Variants in GABBR1 observed in about 807,000 individuals in gnomAD.
The protein encoded by GABBR1 is GABA-B receptor, R1 subunit.
In GABBR1, 35 loss-of-function variants were observed where a neutral mutation model predicts 117.7. That is an observed-to-expected ratio of 0.30 (90% CI 0.23 to 0.39). The LOEUF is 0.39. Among genes scored for constraint, GABBR1 ranks in the 10% least tolerant of loss-of-function variants. The probability of loss-of-function intolerance (pLI) is 1.00; values close to 1 mark genes in which losing one functional copy is unlikely to be tolerated. For missense variants in GABBR1, 709 were observed against 1,241.8 expected (o/e 0.57, Z 6.45); for synonymous variants, 442 against 486.6 (o/e 0.91, Z 1.21).
chr6:29,606,520 C>T lies in GABBR1; in HGVS notation c.2218-36G>A, dbSNP rs764277763. The T allele has an allele frequency of 1.1e-5, 16 of 1,399,182 alleles. No individual in the cohort carries two copies. The East Asian group carries it at 3.2e-4, about 28-fold the overall frequency. The allele number at this position is 1,399,182 out of a possible 1,614,324, so 86.7% of individuals were successfully genotyped here. A position where few individuals can be genotyped will look rare whatever the true frequency, so the allele number is the denominator to read the frequency against. On this transcript the variant is annotated intron_variant, in intron 18 of 22. Transcript: ENST00000377034. The surrounding 1 kb of genome is among the most constrained non-coding windows in gnomAD (Gnocchi z 4.5). ...AACAAGGTCACAAGAAAGATGGTTG[C>T]CAGCCTCCCCTCCTCTCCTCAACGC...
Position 29,632,041 on chromosome 6 carries a change from T to A in GABBR1, c.85+260A>T, listed in dbSNP as rs1291334271. Among the ~76,000 whole-genome samples the A allele has an allele frequency of 4.0e-5, 6 of 151,496 alleles. No individual in the cohort carries two copies. Among genetic ancestry groups the A allele is most frequent in the Admixed American group, 3.3e-4 (5 of 15,228 alleles). ...AGTAATTGAGGTAGTAATGTGGGGC[T>A]GGGAAAGGGGATTGAGGCGGAGAAA... On this transcript the variant is annotated intron_variant, in intron 2 of 22. Transcript: ENST00000377034. The surrounding 1 kb of genome is among the most constrained non-coding windows in gnomAD (Gnocchi z 5.8).
chr6:29,622,924 A>C lies in GABBR1; in HGVS notation c.963+381T>G, dbSNP rs1763906870. ...GGCTCCATCCCCTCTGTTCCCATTC[A>C]CACCCACCCACCACCCCCCTTGAAA... On this transcript the variant is annotated intron_variant, in intron 8 of 22. Transcript: ENST00000377034. This position sits in a 1 kb window ranked among gnomAD's most constrained non-coding sequence, Gnocchi z 4.6. Among the ~76,000 whole-genome samples the C allele has an allele frequency of 6.7e-6, 1 of 149,408 alleles. No individual in the cohort carries two copies. Among genetic ancestry groups the C allele is most frequent in the Non-Finnish European group, 1.5e-5 (1 of 67,468 alleles).
At position 29,607,351 on chromosome 6, in the gene GABBR1, C is replaced by T. The variant is rs1169160053; in HGVS notation, c.1993-133G>A. The T allele has an allele frequency of 1.8e-5, 13 of 707,512 alleles. No individual in the cohort carries two copies. The highest frequency in any genetic ancestry group is 1.2e-4 in the African/African-American group (7 of 56,868). The allele number at this position is 707,512 out of a possible 1,614,324, so 43.8% of individuals were successfully genotyped here. On this transcript the variant is annotated intron_variant, in intron 16 of 22. Coordinates refer to ENST00000377034, the MANE Select transcript of GABBR1 (RefSeq NM_001470.4). This position sits in a 1 kb window ranked among gnomAD's most constrained non-coding sequence, Gnocchi z 5.0. ...AGCTCATGGTGGCACAGGGAGGATG[C>T]GAAAATGTGAGCAGGACGGGGAGCG... is the stretch of plus-strand genomic sequence containing the variant.
chr6:29,617,464 G>A (rs1056334907), intron 11 of GABBR1, among the ~76,000 whole-genome samples: 1 of 151,950 alleles, frequency 6.6e-6, no homozygotes, highest in Non-Finnish European at 1.5e-5. Flanking sequence ...ACCACACCCA[G>A]CTGATTTGTG....
At position 29,624,004 on chromosome 6, in the gene GABBR1, G is replaced by C. The variant is rs763959410; in HGVS notation, c.678C>G (p.Thr226=). The C allele has an allele frequency of 6.2e-7, 1 of 1,612,708 alleles. No homozygotes were observed. Among genetic ancestry groups the C allele is most frequent in the Admixed American group, 1.7e-5 (1 of 60,012 alleles). The change falls in exon 7 of 23, where the codon ACC becomes ACG. Residue 226 remains threonine, a synonymous_variant. Transcript: ENST00000377034. ...HDSKCDPGQA[T]KYLYELLYND... The stretch of plus-strand genomic sequence containing the variant: ...TGTAGAGCAGCTCATATAGGTACTT[G>C]GTGGCTTGGCCTGGATCACACTGAA...
rs866701730 is a variant in GABBR1, at chr6:29,631,990, A to G, written c.85+311T>C. ...AAGGGAGGCTAATAAGATCATCTGG[A>G]CAGCAAAGTGGGACCAAGAAAAGGG... On this transcript the variant is annotated intron_variant, in intron 2 of 22. Transcript: ENST00000377034. This position sits in a 1 kb window ranked among gnomAD's most constrained non-coding sequence, Gnocchi z 5.9. Among the ~76,000 whole-genome samples the G allele has an allele frequency of 3.3e-5, 5 of 152,062 alleles. No individual in the cohort carries two copies. Among genetic ancestry groups the G allele is most frequent in the African/African-American group, 1.2e-4 (5 of 41,358 alleles).
In GABBR1 at chr6:29,605,534, G is replaced by A. The variant is rs1299438402; in HGVS notation, c.2439+35C>T. 4 of 1,611,228 alleles carry A rather than the reference G, an allele frequency of 2.5e-6. No individual in the cohort carries two copies. The South Asian group carries it at 4.4e-5, about 18-fold the overall frequency. ...CTCTATATCTGGGCTGCTGTGGTCA[G>A]CCTACAGGGTCAATGCCATGGGGTC... is the stretch of plus-strand genomic sequence containing the variant. On this transcript the variant is annotated intron_variant, in intron 20 of 22. Coordinates refer to ENST00000377034, the MANE Select transcript of GABBR1 (RefSeq NM_001470.4). The surrounding 1 kb of genome is among the most constrained non-coding windows in gnomAD (Gnocchi z 4.2).
intron 6 of GABBR1, among the ~76,000 whole-genome samples, chr6:29,626,798 T>C (rs1253803335): frequency 2.0e-5 from 3 of 151,908 alleles, no homozygotes; most frequent in Non-Finnish European, 4.4e-5. Context: ...ATTGTGGGGG[T>C]TCCCATGTGG....
chr6:29,621,854 C>T lies in GABBR1; in HGVS notation c.1066-37G>A, dbSNP rs751748818. On this transcript the variant is annotated intron_variant, in intron 9 of 22. Coordinates refer to ENST00000377034, the MANE Select transcript of GABBR1 (RefSeq NM_001470.4). This position sits in a 1 kb window ranked among gnomAD's most constrained non-coding sequence, Gnocchi z 5.0. ...AAAGAAACAGCTCCTGAGGGATGCCCGGGAATGCCTGAGGGGCTAAGCCAG... is the reference window on the plus strand; with the variant it reads ...AAAGAAACAGCTCCTGAGGGATGCCTGGGAATGCCTGAGGGGCTAAGCCAG... 3.1e-6 allele frequency: 5 copies of T among 1,606,606 alleles called. No individual in the cohort carries two copies. In the African/African-American group the frequency reaches 5.4e-5, roughly 17 times the overall value.
At chr6:29,618,940 A>G (rs28359976) in intron 11 of GABBR1, among the ~76,000 whole-genome samples, 14,892 of 152,180 alleles carry the variant, frequency 0.098, 858 homozygotes, top group Middle Eastern at 0.21. Context: ...TCCAGATAGT[A>G]TAGCGTCTGA....
At chr6:29,616,846 CAAA>C (rs28383807) in intron 11 of GABBR1, among the ~76,000 whole-genome samples, 9 of 74,430 alleles carry the variant, frequency 1.2e-4, no homozygotes, top group Non-Finnish European at 1.6e-4. Context: ...TACTCTACCT[CAAA>C]AAAAAAAAAA....
Position 29,627,726 on chromosome 6 carries a change from T to C in GABBR1, c.497-80A>G. 1 of 1,515,150 alleles carries C rather than the reference T, an allele frequency of 6.6e-7. No homozygotes were observed. The highest frequency in any genetic ancestry group is 8.8e-7 in the Non-Finnish European group (1 of 1,135,570). 93.9% of individuals were successfully genotyped at this position (1,515,150 alleles called of 1,614,324 possible). A position where few individuals can be genotyped will look rare whatever the true frequency, so the allele number is the denominator to read the frequency against. Reference sequence around the variant, plus strand: ...GGGAGGCCCACACCGGAGCCACCCCTGCCGCCATCACAACCAGAAGCGGCA... The same window carrying C: ...GGGAGGCCCACACCGGAGCCACCCCCGCCGCCATCACAACCAGAAGCGGCA... On this transcript the variant is annotated intron_variant, in intron 5 of 22. Coordinates refer to ENST00000377034, the MANE Select transcript of GABBR1 (RefSeq NM_001470.4). This position sits in a 1 kb window ranked among gnomAD's most constrained non-coding sequence, Gnocchi z 4.4.
intron 16 of GABBR1, chr6:29,608,395 A>C: frequency 1.8e-6 from 1 of 556,840 alleles, no homozygotes; most frequent in Non-Finnish European, 3.1e-6. Flanking sequence ...CTGACAAGTA[A>C]ACTACAGAAT....
Position 29,606,478 on chromosome 6 carries a change from C to T in GABBR1, c.2224G>A (p.Ala742Thr). ...ATATCTTCCTTAGGTTCCTCCTTGG[C>T]AAATGTCTAGGGCAGAAACAAGGTC... ...DPLHRTIETF[A>T]KEEPKEDIDV... Residue 742 changes from alanine to threonine, a missense_variant, in exon 19 of 23, where the codon GCC (alanine) becomes ACC (threonine). By Grantham distance (58) the Ala-to-Thr change is moderately conservative. Around this residue, in one of 9 missense-constraint regions of GABBR1, gnomAD observed 251 missense variants for 445.3 expected, o/e 0.56. Coordinates refer to ENST00000377034, the MANE Select transcript of GABBR1 (RefSeq NM_001470.4). The surrounding 1 kb of genome is among the most constrained non-coding windows in gnomAD (Gnocchi z 4.5). The T allele has an allele frequency of 3.1e-6, 5 of 1,610,602 alleles. No homozygotes were observed. Among genetic ancestry groups the T allele is most frequent in the Non-Finnish European group, 2.5e-6 (3 of 1,177,714 alleles).
rs950898453 is a variant in GABBR1 at position 29,623,167 on chromosome 6, T to G, written c.963+138A>C. 2.8e-6 allele frequency: 2 copies of G among 721,346 alleles called. No homozygotes were observed. Among genetic ancestry groups the G allele is most frequent in the Non-Finnish European group, 4.6e-6 (2 of 439,478 alleles). The allele number at this position is 721,346 out of a possible 1,614,324, so 44.7% of individuals were successfully genotyped here. On this transcript the variant is annotated intron_variant, in intron 8 of 22. Transcript: ENST00000377034. The surrounding 1 kb of genome is among the most constrained non-coding windows in gnomAD (Gnocchi z 6.2). ...TCTTTCCCCTGGCTACAGAAAGAACTGCACTTAATCCACATGGAATGCGTT... is the reference window on the plus strand; with the variant it reads ...TCTTTCCCCTGGCTACAGAAAGAACGGCACTTAATCCACATGGAATGCGTT...
rs1562085217 is a variant in GABBR1 at position 29,608,805 on chromosome 6, A to C, written c.1860-72T>G. On this transcript the variant is annotated intron_variant, in intron 15 of 22. Coordinates refer to ENST00000377034, the MANE Select transcript of GABBR1 (RefSeq NM_001470.4). ...TTCTCCAGGGAGGCTGAGCTCTCCA[A>C]ATACCACGCAATGGCATGACCCTAA... The C allele has an allele frequency of 2.6e-6, 4 of 1,510,736 alleles. No individual in the cohort carries two copies. In the East Asian group the frequency reaches 9.1e-5, roughly 34 times the overall value. The allele number at this position is 1,510,736 out of a possible 1,614,324, so 93.6% of individuals were successfully genotyped here.
At chr6:29,616,273 G>A (rs1302037527) in intron 11 of GABBR1, among the ~76,000 whole-genome samples, 3 of 146,612 alleles carry the variant, frequency 2.0e-5, no homozygotes, top group Non-Finnish European at 4.6e-5. Flanking sequence ...AGGAGGCTGA[G>A]GCAGGAGAAT....
chr6:29,628,859 G>C lies in GABBR1; in HGVS notation c.496+228C>G, dbSNP rs145026536. The stretch of plus-strand genomic sequence containing the variant: ...CAGTCTGGGAGGAGGTGGAGCCCAG[G>C]GAAGTGTAGCCAAGCAGGGACAAGG... On this transcript the variant is annotated intron_variant, in intron 5 of 22. Coordinates refer to ENST00000377034, the MANE Select transcript of GABBR1 (RefSeq NM_001470.4). 4.3e-3 allele frequency among the ~76,000 whole-genome samples: 648 copies of C among 151,930 alleles called. 4 individuals are homozygous for C. The highest frequency in any genetic ancestry group is 0.02 in the Middle Eastern group (6 of 294).
Position 29,609,096 on chromosome 6 carries a change from C to T in GABBR1, c.1859+133G>A, listed in dbSNP as rs551012785. ...TATATCTGGTTTCCCTGTTTTCATT[C>T]TCAACAAGTCAGAATGAAAAACTCC... On this transcript the variant is annotated intron_variant, in intron 15 of 22. Coordinates refer to ENST00000377034, the MANE Select transcript of GABBR1 (RefSeq NM_001470.4). The surrounding 1 kb of genome is among the most constrained non-coding windows in gnomAD (Gnocchi z 4.3). 1.1e-6 allele frequency: 1 copy of T among 879,920 alleles called. No individual in the cohort carries two copies. The highest frequency in any genetic ancestry group is 1.7e-5 in the African/African-American group (1 of 59,174). The allele number at this position is 879,920 out of a possible 1,614,324, so 54.5% of individuals were successfully genotyped here. A position where few individuals can be genotyped will look rare whatever the true frequency, so the allele number is the denominator to read the frequency against.
Sources: gnomAD v4.1 joint callset for allele counts (sites outside exome capture counted in the v4.1 genomes callset) on GRCh38, gnomAD v4.1.1 for gene constraint, gnomAD v4.1.1 regional missense constraint, Gnocchi (gnomAD v3.1) non-coding constraint, MANE v1.5 for transcripts, NCBI Gene and HGNC (gene_info 2026-07-23, HGNC 2026-07-21) for gene names.